Variants in PTDSS1 observed in about 807,000 individuals in gnomAD.
The protein encoded by PTDSS1 is PSS-1.
PTDSS1 carries 45 observed loss-of-function variants against 70.5 expected under a neutral mutation model. The ratio of observed to expected loss-of-function variants is 0.64; its 90% CI spans 0.50 to 0.82. The LOEUF is 0.82. Ranked by LOEUF, PTDSS1 falls within the 40% of genes least tolerant of loss-of-function variation. The pLI, the probability that PTDSS1 is intolerant of heterozygous loss-of-function variation, is 0.00. For synonymous variants in PTDSS1, 188 were observed against 203.8 expected, an observed-to-expected ratio of 0.92 and a Z score of 0.66; for missense variants, 417 against 586.1, an observed-to-expected ratio of 0.71 and a Z score of 2.98.
chr8:96,330,923 C>G, intron 11 of PTDSS1, 103 bp from the exon 12 acceptor site: 1 of 961,126 alleles, frequency 1.0e-6, no homozygotes, highest in Non-Finnish European at 1.6e-6. Context: ...AGTGATGATC[C>G]CAGCCTGGGA....
At chr8:96,325,735 C>G (rs755053881) in intron 10 of PTDSS1, among the ~76,000 whole-genome samples, 20 of 152,214 alleles carry the variant, frequency 1.3e-4, no homozygotes, top group Non-Finnish European at 2.2e-4. Flanking sequence ...AAGAATCATT[C>G]TCTCTGGCTG....
In PTDSS1 at chr8:96,309,559, A is replaced by AGT; in HGVS notation, c.1011_1012dup (p.Tyr338CysfsTer14). On this transcript the variant is annotated frameshift_variant, in exon 9 of 13. Transcript: ENST00000517309. LOFTEE classifies it high-confidence loss of function. ...GAATTCCAACTTTGTTCTTTCAGAC[A>AGT]GTACTACGCTTACCTCACCGACACA... 6.2e-7 allele frequency: 1 copy of AGT among 1,612,956 alleles called. No homozygotes were observed. Among genetic ancestry groups the AGT allele is most frequent in the Non-Finnish European group, 8.5e-7 (1 of 1,179,164 alleles).
rs1811093147 is a variant in PTDSS1, at chr8:96,304,252, G to A, written c.894+71G>A. ...AATAAAAACTTTTTAGGAATTTAGA[G>A]TTAACATTAGTTTACATTGCTTTTC... On this transcript the variant is annotated intron_variant, in intron 7 of 12. Coordinates refer to ENST00000517309, the MANE Select transcript of PTDSS1 (RefSeq NM_014754.3). 2.7e-6 allele frequency: 4 copies of A among 1,477,720 alleles called. No homozygotes were observed. The East Asian group carries it at 6.8e-5, about 25-fold the overall frequency. The allele number at this position is 1,477,720 out of a possible 1,614,324, so 91.5% of individuals were successfully genotyped here. A position where few individuals can be genotyped will look rare whatever the true frequency, so the allele number is the denominator to read the frequency against.
chr8:96,273,240 C>G, intron 1 of PTDSS1, 59 bp from the exon 2 acceptor site: 1 of 1,277,862 alleles, frequency 7.8e-7, no homozygotes, highest in African/African-American at 1.5e-5. Flanking sequence ...ATCTTCCTTC[C>G]TCTAGGTTTT....
At chr8:96,271,160 C>G (rs1056457852) in intron 1 of PTDSS1, among the ~76,000 whole-genome samples, 19 of 152,102 alleles carry the variant, frequency 1.2e-4, no homozygotes, top group African/African-American at 4.6e-4. Context: ...CCTCATTTTT[C>G]CTCTTTGGAG....
chr8:96,331,968 T>C (rs920789894), intron 12 of PTDSS1, among the ~76,000 whole-genome samples: 1 of 135,874 alleles, frequency 7.4e-6, no homozygotes, highest in African/African-American at 2.8e-5. Context: ...GAGGGTCACT[T>C]GAGCCCAGGA....
At chr8:96,270,936 T>G (rs1810557642) in intron 1 of PTDSS1, among the ~76,000 whole-genome samples, 1 of 152,220 alleles carries the variant, frequency 6.6e-6, no homozygotes, top group African/African-American at 2.4e-5. Context: ...ATAAATTTAG[T>G]GCTGATGTAC....
At chr8:96,291,707 G>A (rs1810907211) in intron 4 of PTDSS1, among the ~76,000 whole-genome samples, 1 of 152,124 alleles carries the variant, frequency 6.6e-6, no homozygotes, top group Admixed American at 6.5e-5. Context: ...TCTGGATTTT[G>A]CAGCTGCATT....
At chr8:96,327,249 A>T (rs972383236) in intron 10 of PTDSS1, among the ~76,000 whole-genome samples, 2 of 152,198 alleles carry the variant, frequency 1.3e-5, no homozygotes, top group African/African-American at 2.4e-5. Context: ...CTCAGGGAAC[A>T]TGCCTCTGGG....
At chr8:96,327,386 C>T (rs774446926) in intron 10 of PTDSS1, among the ~76,000 whole-genome samples, 3 of 152,038 alleles carry the variant, frequency 2.0e-5, no homozygotes, top group South Asian at 4.1e-4. Flanking sequence ...GGACGTCGCC[C>T]GAAAAGAGGC....
intron 10 of PTDSS1, 149 bp downstream of exon 10, chr8:96,320,494 C>T: frequency 1.4e-6 from 1 of 722,090 alleles, no homozygotes; most frequent in Non-Finnish European, 2.3e-6. Context: ...AGACTGGCCA[C>T]CAGCCTAATT....
intron 4 of PTDSS1, 45 bp downstream of exon 4, chr8:96,287,191 T>C (rs781758713): frequency 2.5e-6 from 4 of 1,603,700 alleles, no homozygotes; most frequent in Non-Finnish European, 3.4e-6. Context: ...GTAGACTCTT[T>C]CTTGGGTGTA....
chr8:96,274,967 A>G (rs1452368696), intron 2 of PTDSS1, among the ~76,000 whole-genome samples: 1 of 152,154 alleles, frequency 6.6e-6, no homozygotes, highest in Admixed American at 6.5e-5. Context: ...TTTAGGTGAA[A>G]AAGAATTTTT....
intron 3 of PTDSS1, 42 bp from the exon 4 acceptor site, chr8:96,286,980 T>C: frequency 6.2e-7 from 1 of 1,610,938 alleles, no homozygotes; most frequent in Non-Finnish European, 8.5e-7. Context: ...TGTCTGACTA[T>C]TGGATCTCTT....
chr8:96,327,714 C>T (rs1811457453), intron 10 of PTDSS1, among the ~76,000 whole-genome samples: 1 of 152,060 alleles, frequency 6.6e-6, no homozygotes. Context: ...GTCTGCTCGG[C>T]CGTCATTAAT....
At chr8:96,330,545 A>G in intron 11 of PTDSS1, 1 of 476,424 alleles carries the variant, frequency 2.1e-6, no homozygotes, top group South Asian at 2.3e-5. Flanking sequence ...AGAAAAAAAG[A>G]AAAGTGATGG....
At chr8:96,316,849 C>A (rs2130145730) in intron 9 of PTDSS1, among the ~76,000 whole-genome samples, 1 of 152,080 alleles carries the variant, frequency 6.6e-6, no homozygotes, top group Admixed American at 6.5e-5. Context: ...AAAAAATTAG[C>A]CAGGTGTGGT....
At chr8:96,308,491 T>G (rs1217959333) in intron 8 of PTDSS1, among the ~76,000 whole-genome samples, 2 of 152,134 alleles carry the variant, frequency 1.3e-5, no homozygotes, top group Admixed American at 1.3e-4. Flanking sequence ...AAAAAGATGA[T>G]GAGTTCCTGG....
chr8:96,332,862 C>T (rs1201366882), intron 12 of PTDSS1, among the ~76,000 whole-genome samples: 1 of 152,204 alleles, frequency 6.6e-6, no homozygotes, highest in Non-Finnish European at 1.5e-5. Flanking sequence ...AACCCTTTGG[C>T]TTGGCCGCTA....
Sources: allele counts gnomAD v4.1 joint callset (sites outside exome capture counted in the v4.1 genomes callset), GRCh38; gene constraint gnomAD v4.1.1; transcripts MANE v1.5; gene names NCBI Gene and HGNC (gene_info 2026-07-23, HGNC 2026-07-21).